Variants in LDB2 observed in about 807,000 individuals in gnomAD.
The protein encoded by LDB2 is LIM domain binding 2, also known as LIM domain-binding protein 2.
In LDB2, 12 loss-of-function variants were observed where a neutral mutation model predicts 44.3. That is an observed-to-expected ratio of 0.27 (90% CI 0.17 to 0.44). The LOEUF (loss-of-function observed/expected upper bound fraction) is 0.44. Ranked by LOEUF, LDB2 falls within the 20% of genes least tolerant of loss-of-function variation. LDB2 has a pLI of 1.00. For missense variants in LDB2, 344 were observed against 473.5 expected (o/e 0.73, Z 2.54); for synonymous variants, 164 against 174.8 (o/e 0.94, Z 0.49).
intron 2 of LDB2, among the ~76,000 whole-genome samples, chr4:16,648,372 A>C (rs1560751415): frequency 6.6e-6 from 1 of 152,240 alleles, no homozygotes; most frequent in Non-Finnish European, 1.5e-5. Flanking sequence ...CTTCTGCCAC[A>C]GACTTTCTGG....
intron 2 of LDB2, among the ~76,000 whole-genome samples, chr4:16,648,384 GA>G (rs1737358320): frequency 1.3e-5 from 2 of 152,198 alleles, no homozygotes; most frequent in South Asian, 4.1e-4. Flanking sequence ...ACTTTCTGGG[GA>G]AAGAACATAG....
At chr4:16,846,937 T>A (rs1013086574) in intron 1 of LDB2, among the ~76,000 whole-genome samples, 1 of 152,232 alleles carries the variant, frequency 6.6e-6, no homozygotes, top group Non-Finnish European at 1.5e-5. Flanking sequence ...ATTTCCCAGA[T>A]GTCTAAATAA....
intron 2 of LDB2, among the ~76,000 whole-genome samples, chr4:16,724,934 G>T (rs1244811946): frequency 6.6e-6 from 1 of 152,108 alleles, no homozygotes; most frequent in Non-Finnish European, 1.5e-5. Context: ...AGCATAGGAA[G>T]GTTAAGTCCA....
chr4:16,645,274 C>T (rs1001570356), intron 2 of LDB2, among the ~76,000 whole-genome samples: 21 of 152,180 alleles, frequency 1.4e-4, no homozygotes, highest in African/African-American at 5.1e-4. Flanking sequence ...CGGTGGCTCA[C>T]GCCTGTAATC....
rs374849022 is a variant in LDB2 at position 16,579,857 on chromosome 4, A to C, written c.615+6065T>G. Among the ~76,000 whole-genome samples, 55 of 152,328 alleles carry C rather than the reference A, an allele frequency of 3.6e-4. No homozygotes were observed. In the East Asian group the frequency reaches 9.8e-3, roughly 27 times the overall value. Reference sequence around the variant, plus strand: ...ATCTACTGGGTACTTACGTGTCTTCACATTGCTCAGAGTCTAGTTCAGGAG... The same window carrying C: ...ATCTACTGGGTACTTACGTGTCTTCCCATTGCTCAGAGTCTAGTTCAGGAG... On this transcript the variant is annotated intron_variant, in intron 5 of 7. Transcript: ENST00000304523.
intron 2 of LDB2, among the ~76,000 whole-genome samples, chr4:16,695,360 G>C (rs1412418561): frequency 6.6e-6 from 1 of 151,766 alleles, no homozygotes; most frequent in Middle Eastern, 3.4e-3. Flanking sequence ...GTGAAACCCT[G>C]TCTCTACTAA....
intron 1 of LDB2, among the ~76,000 whole-genome samples, chr4:16,783,692 G>T (rs936919136): frequency 1.3e-5 from 2 of 152,154 alleles, no homozygotes; most frequent in African/African-American, 4.8e-5. Context: ...TTTGCCCTTG[G>T]TTTTTTACAT....
chr4:16,732,345 T>C (rs937479704), intron 2 of LDB2, among the ~76,000 whole-genome samples: 1 of 152,178 alleles, frequency 6.6e-6, no homozygotes, highest in African/African-American at 2.4e-5. Flanking sequence ...TTCCTTTTCA[T>C]CCCCTGCAGA....
chr4:16,584,621 C>T (rs1476269559), intron 5 of LDB2, among the ~76,000 whole-genome samples: 2 of 152,180 alleles, frequency 1.3e-5, no homozygotes, highest in Admixed American at 1.3e-4. Context: ...GTGGTAACCT[C>T]GAAACACTAC....
At chr4:16,510,017 A>C (rs1721089614) in intron 6 of LDB2, among the ~76,000 whole-genome samples, 1 of 152,148 alleles carries the variant, frequency 6.6e-6, no homozygotes, top group South Asian at 2.1e-4. Context: ...CTTGAGGCTG[A>C]GGTGTGAGAA....
chr4:16,805,210 A>G (rs569267720), intron 1 of LDB2, among the ~76,000 whole-genome samples: 2 of 152,246 alleles, frequency 1.3e-5, no homozygotes, highest in East Asian at 1.9e-4. Flanking sequence ...AGAGTCCCCA[A>G]CTTCAAGTAC....
At chr4:16,517,212 T>G (rs1560335000) in intron 5 of LDB2, among the ~76,000 whole-genome samples, 1 of 152,126 alleles carries the variant, frequency 6.6e-6, no homozygotes, top group Non-Finnish European at 1.5e-5. Context: ...CTTTCAAATT[T>G]TGTACAAAAT....
chr4:16,854,734 A>T (rs954350242), intron 1 of LDB2, among the ~76,000 whole-genome samples: 6 of 150,810 alleles, frequency 4.0e-5, no homozygotes, highest in African/African-American at 9.7e-5. Flanking sequence ...GTGTGTATAT[A>T]TATATATAAC....
At chr4:16,810,946 T>C (rs113691116) in intron 1 of LDB2, among the ~76,000 whole-genome samples, 7 of 152,296 alleles carry the variant, frequency 4.6e-5, no homozygotes, top group African/African-American at 1.4e-4. Flanking sequence ...AGACAATTTT[T>C]CCACAGACTG....
At chr4:16,805,808 C>G (rs1478215008) in intron 1 of LDB2, among the ~76,000 whole-genome samples, 2 of 152,202 alleles carry the variant, frequency 1.3e-5, no homozygotes, top group Non-Finnish European at 2.9e-5. Flanking sequence ...TATTGCCTGA[C>G]AGTATTCTCA....
chr4:16,820,867 C>A (rs1430546692), intron 1 of LDB2, among the ~76,000 whole-genome samples: 2 of 152,146 alleles, frequency 1.3e-5, no homozygotes, highest in East Asian at 3.9e-4. Flanking sequence ...GGACAAAGAT[C>A]AGAATGATAA....
At chr4:16,821,895 T>C (rs1169863015) in intron 1 of LDB2, among the ~76,000 whole-genome samples, 1 of 152,104 alleles carries the variant, frequency 6.6e-6, no homozygotes, top group Non-Finnish European at 1.5e-5. Context: ...GAAGGACTCC[T>C]GGAACCCATC....
intron 1 of LDB2, among the ~76,000 whole-genome samples, chr4:16,793,910 G>C (rs1212660969): frequency 2.0e-5 from 3 of 152,010 alleles, no homozygotes; most frequent in African/African-American, 2.4e-5. Context: ...ACTACATGGG[G>C]TTATTGGTGC....
chr4:16,683,129 C>T (rs1446965884), intron 2 of LDB2, among the ~76,000 whole-genome samples: 3 of 152,114 alleles, frequency 2.0e-5, no homozygotes, highest in Admixed American at 6.5e-5. Flanking sequence ...TATGGAGTAC[C>T]GCACCTCCCC....
Sources: gnomAD v4.1 joint callset for allele counts (sites outside exome capture counted in the v4.1 genomes callset) on GRCh38, gnomAD v4.1.1 for gene constraint, MANE v1.5 for transcripts, NCBI Gene and HGNC (gene_info 2026-07-23, HGNC 2026-07-21) for gene names.